Variants in PSG3 observed in about 807,000 individuals in gnomAD.
The protein encoded by PSG3 is pregnancy-specific beta-1-glycoprotein 3.
In PSG3, 61 loss-of-function variants were observed where a neutral mutation model predicts 47.5. That is an observed-to-expected ratio of 1.28 (90% CI 1.05 to 1.59). The LOEUF is 1.59. PSG3 is among the 40% of genes most tolerant of loss of function. PSG3 has a pLI of 0.00. For missense variants in PSG3, 756 were observed against 524.0 expected, an observed-to-expected ratio of 1.44 and a Z score of -4.32; for synonymous variants, 263 against 198.4, an observed-to-expected ratio of 1.33 and a Z score of -2.74.
intron 2 of PSG3, among the ~76,000 whole-genome samples, chr19:42,735,131 G>C (rs771322386): frequency 6.6e-6 from 1 of 152,146 alleles, no homozygotes; most frequent in African/African-American, 2.4e-5. Flanking sequence ...TTCCCATTAC[G>C]TGTATCTTAT....
chr19:42,731,025 G>A lies in PSG3; in HGVS notation c.710-969C>T, dbSNP rs538898906. ...GACATTCTACTCAATGATTCCATGG[G>A]TTCGACTACTCTAGGGACCTCATGT... On this transcript the variant is annotated intron_variant, in intron 3 of 6. Transcript: ENST00000327495. 2.2e-4 allele frequency among the ~76,000 whole-genome samples: 33 copies of A among 152,292 alleles called. No individual in the cohort carries two copies. In the East Asian group the frequency reaches 5.8e-3, roughly 27 times the overall value.
rs144386083 is a variant in PSG3, at chr19:42,739,025, G to A, written c.129C>T (p.Thr43=). Residue 43 remains threonine (T), a synonymous_variant, in exon 2 of 7, where the codon ACC becomes ACT. Transcript: ENST00000327495. ...GAACGTCCTTCCCCTTGGAAACTTT[G>A]GTTGGCTCGGCTTCAATCGTGACTT... ...TAQVTIEAEP[T]KVSKGKDVLL... 6 of 1,613,748 alleles carry A rather than the reference G, an allele frequency of 3.7e-6. No homozygotes were observed. In the African/African-American group the frequency reaches 8.0e-5, roughly 22 times the overall value.
chr19:42,735,941 A>G (rs1290452990), intron 2 of PSG3, among the ~76,000 whole-genome samples: 1 of 152,234 alleles, frequency 6.6e-6, no homozygotes. Flanking sequence ...GCAAACTAGC[A>G]TGGCTGAGTC....
intron 1 of PSG3, chr19:42,739,349 T>C: frequency 9.3e-6 from 5 of 540,288 alleles, no homozygotes; most frequent in Non-Finnish European, 1.5e-5. Flanking sequence ...GGAATCCTCT[T>C]CCCCAGGGGT....
At position 42,738,729 on chromosome 19, in the gene PSG3, A is replaced by G; in HGVS notation, c.425T>C (p.Leu142Ser). Residue 142 changes from leucine to serine, a missense_variant, in exon 2 of 7, where the codon TTA becomes TCA. Transcript: ENST00000327495. ...RGETGHFTFT[L>S]YLETPKPSIS... ...GATCACGTGGAGTCACTCACGGTATAAGGTGAAGGTGAAATGTCCAGTTTC... is the reference window on the plus strand; with the variant it reads ...GATCACGTGGAGTCACTCACGGTATGAGGTGAAGGTGAAATGTCCAGTTTC... 6.2e-7 allele frequency: 1 copy of G among 1,613,794 alleles called. No individual in the cohort carries two copies. The highest frequency in any genetic ancestry group is 8.5e-7 in the Non-Finnish European group (1 of 1,179,790).
Position 42,730,020 on chromosome 19 carries a change from A to C in PSG3, c.746T>G (p.Leu249Ter). ...LPKPYITINN[L>*]NPRENKDVLA... is the part of the protein sequence containing the mutation. ...GACATCCTTATTCTCCCTGGGGTTTAAGTTGTTGATGGTGATGTAGGGCTT... is the reference window on the plus strand; with the variant it reads ...GACATCCTTATTCTCCCTGGGGTTTCAGTTGTTGATGGTGATGTAGGGCTT... Residue 249 changes from leucine (L) to a stop codon, truncating the protein, a stop_gained, in exon 4 of 7, where the codon TTA becomes TGA. Coordinates refer to ENST00000327495, the MANE Select transcript of PSG3 (RefSeq NM_021016.4). LOFTEE classifies it high-confidence loss of function. 2.5e-6 allele frequency: 4 copies of C among 1,612,506 alleles called. No homozygotes were observed. The highest frequency in any genetic ancestry group is 3.4e-6 in the Non-Finnish European group (4 of 1,179,824).
intron 4 of PSG3, 142 bp downstream of exon 4, chr19:42,729,636 C>G: frequency 6.6e-7 from 1 of 1,526,264 alleles, no homozygotes; most frequent in South Asian, 1.3e-5. Context: ...CAGATCTTCC[C>G]AGGGCAGGAA....
intron 5 of PSG3, among the ~76,000 whole-genome samples, 165 bp downstream of exon 5, chr19:42,728,958 A>G (rs1969418722): frequency 6.6e-6 from 1 of 152,192 alleles, no homozygotes; most frequent in African/African-American, 2.4e-5. Context: ...AACAAGGAGA[A>G]GAGAGTCTGT....
In PSG3 at chr19:42,728,783, G is replaced by T. The variant is rs189220762; in HGVS notation, c.1243+340C>A. On this transcript the variant is annotated intron_variant, in intron 5 of 6. Coordinates refer to ENST00000327495, the MANE Select transcript of PSG3 (RefSeq NM_021016.4). ...AATAGGTACAAGAAAACAAAGACGT[G>T]GCAGAAGGGGATGTGTTGGTGACAG... Among the ~76,000 whole-genome samples the T allele has an allele frequency of 2.8e-4, 43 of 152,296 alleles. 1 individual carries two copies. The East Asian group carries it at 6.6e-3, about 23-fold the overall frequency.
Position 42,739,694 on chromosome 19 carries a change from G to A in PSG3, c.65-605C>T, listed in dbSNP as rs569269149. Reference sequence around the variant, plus strand: ...TGTTTTTTCTTCCCCCAGTTGTTGAGGTTTTTTTGCTGAGGACAGTGTTTC... The same window carrying A: ...TGTTTTTTCTTCCCCCAGTTGTTGAAGTTTTTTTGCTGAGGACAGTGTTTC... On this transcript the variant is annotated intron_variant, in intron 1 of 6. Transcript: ENST00000327495. Among the ~76,000 whole-genome samples, 58 of 151,420 alleles carry A rather than the reference G, an allele frequency of 3.8e-4. 3 individuals are homozygous for A. In the South Asian group the frequency reaches 0.012, roughly 30 times the overall value.
At position 42,732,908 on chromosome 19, in the gene PSG3, C is replaced by A. The variant is rs750217039; in HGVS notation, c.585G>T (p.Leu195Phe). ...QSLPMTHSLQ[L>F]SKNKRTLFLF... is the part of the protein sequence containing the mutation. Reference sequence around the variant, plus strand: ...GAAAGAGGGTCCTTTTGTTTTTGGACAACTGCAAGCTGTGAGTCATAGGGA... The same window carrying A: ...GAAAGAGGGTCCTTTTGTTTTTGGAAAACTGCAAGCTGTGAGTCATAGGGA... The change falls in exon 3 of 7, where the codon TTG becomes TTT. Residue 195 changes from leucine to phenylalanine, a missense_variant. Coordinates refer to ENST00000327495, the MANE Select transcript of PSG3 (RefSeq NM_021016.4). The A allele has an allele frequency of 1.6e-5, 26 of 1,614,102 alleles. No individual in the cohort carries two copies. The highest frequency in any genetic ancestry group is 1.6e-4 in the Middle Eastern group (1 of 6,062).
intron 5 of PSG3, among the ~76,000 whole-genome samples, chr19:42,727,521 G>C (rs1380287929): frequency 1.3e-5 from 2 of 152,162 alleles, no homozygotes; most frequent in South Asian, 2.1e-4. Context: ...CTCAGCATCA[G>C]GAATACTTGG....
rs369257144 is a variant in PSG3, at chr19:42,733,044, G to A, written c.449C>T (p.Ser150Phe). 1.9e-6 allele frequency: 3 copies of A among 1,614,062 alleles called. No homozygotes were observed. The highest frequency in any genetic ancestry group is 1.1e-5 in the South Asian group (1 of 91,068). The change falls in exon 3 of 7, where the codon TCC becomes TTC. Residue 150 changes from serine (S) to phenylalanine (F), a missense_variant. By Grantham distance (155) the Ser-to-Phe change is radical (BLOSUM62 -2). Transcript: ENST00000327495. ...GGGGTATAAGTTGCTGCTGGAGATG[G>A]AGGGCTTGGGAGTCTCCACTGTGCA... ...FTLYLETPKPSISSSNLYPRE... is the reference protein window; with the variant it reads ...FTLYLETPKPFISSSNLYPRE...
rs1378492155 is a variant in PSG3, at chr19:42,738,996, A to G, written c.158T>C (p.Leu53Pro). 8 of 1,613,918 alleles carry G rather than the reference A, an allele frequency of 5.0e-6. No homozygotes were observed. Among genetic ancestry groups the G allele is most frequent in the East Asian group, 4.5e-5 (2 of 44,878 alleles). ...ATTCTGGGGCAAATTGTGGACAAGT[A>G]GAAGAACGTCCTTCCCCTTGGAAAC... ...TKVSKGKDVLLLVHNLPQNLA... is the reference protein window; with the variant it reads ...TKVSKGKDVLPLVHNLPQNLA... The change falls in exon 2 of 7, where the codon CTA (leucine) becomes CCA (proline). Residue 53 changes from leucine to proline, a missense_variant. Physicochemically the swap from Leu to Pro is moderately conservative, Grantham distance 98 (BLOSUM62 -3). Coordinates refer to ENST00000327495, the MANE Select transcript of PSG3 (RefSeq NM_021016.4).
At chr19:42,738,620 A>T (rs1969606326) in intron 2 of PSG3, 104 bp downstream of exon 2, 4 of 1,601,252 alleles carry the variant, frequency 2.5e-6, no homozygotes, top group Non-Finnish European at 3.4e-6. Context: ...AGCATGGGAC[A>T]TAATGCAGAG....
At chr19:42,727,966 G>A (rs1969403386) in intron 5 of PSG3, among the ~76,000 whole-genome samples, 1 of 152,182 alleles carries the variant, frequency 6.6e-6, no homozygotes, top group African/African-American at 2.4e-5. Flanking sequence ...CCAATACATA[G>A]TGCAAAGTGG....
rs770304185 is a variant in PSG3, at chr19:42,732,890, G to A, written c.603C>T (p.Thr201=). The change falls in exon 3 of 7, where the codon ACC becomes ACT. Residue 201 remains threonine, a synonymous_variant. Coordinates refer to ENST00000327495, the MANE Select transcript of PSG3 (RefSeq NM_021016.4). ...HSLQLSKNKR[T]LFLFGVTKYT... is the part of the protein sequence containing the mutation. Reference sequence around the variant, plus strand: ...ACTTTGTGACACCAAATAGAAAGAGGGTCCTTTTGTTTTTGGACAACTGCA... The same window carrying A: ...ACTTTGTGACACCAAATAGAAAGAGAGTCCTTTTGTTTTTGGACAACTGCA... The A allele has an allele frequency of 4.3e-6, 7 of 1,613,936 alleles. No individual in the cohort carries two copies. In the East Asian group the frequency reaches 6.7e-5, roughly 15 times the overall value.
chr19:42,732,668 G>C, intron 3 of PSG3, 116 bp downstream of exon 3: 9 of 1,610,926 alleles, frequency 5.6e-6, no homozygotes, highest in Non-Finnish European at 7.6e-6. Flanking sequence ...GGCCAGGTTT[G>C]ATGTCCAGGG....
intron 6 of PSG3, among the ~76,000 whole-genome samples, chr19:42,722,746 A>G (rs527890283): frequency 6.6e-6 from 1 of 152,274 alleles, no homozygotes; most frequent in African/African-American, 2.4e-5. Flanking sequence ...CCAAAAAAGT[A>G]TAGTCTTATG....
Sources: gnomAD v4.1 joint callset for allele counts (sites outside exome capture counted in the v4.1 genomes callset) on GRCh38, gnomAD v4.1.1 for gene constraint, MANE v1.5 for transcripts, NCBI Gene and HGNC (gene_info 2026-07-23, HGNC 2026-07-21) for gene names.